Variants in ASXL2 observed in about 807,000 individuals in gnomAD.
ASXL2 encodes putative Polycomb group protein ASXL2.
A neutral mutation model predicts 122.0 loss-of-function variants in ASXL2; 23 were observed. The ratio of observed to expected loss-of-function variants is 0.19; its 90% CI spans 0.14 to 0.27. ASXL2 has a LOEUF of 0.27. Ranked by LOEUF, ASXL2 falls within the 10% of genes least tolerant of loss-of-function variation. ASXL2 has a pLI of 1.00. For synonymous variants in ASXL2, 650 were observed against 637.0 expected (o/e 1.02, Z -0.31); for missense variants, 1,518 against 1,713.8 (o/e 0.89, Z 2.02).
chr2:25,768,958 T>C, intron 6 of ASXL2, 90 bp from the exon 7 acceptor site: 2 of 1,385,940 alleles, frequency 1.4e-6, no homozygotes, highest in Admixed American at 4.9e-5. Flanking sequence ...GCAAGAAGCA[T>C]GCTGATCGTT....
At chr2:25,842,493 G>A (rs1164504442) in intron 2 of ASXL2, among the ~76,000 whole-genome samples, 1 of 151,514 alleles carries the variant, frequency 6.6e-6, no homozygotes, top group Non-Finnish European at 1.5e-5. Context: ...TACTATTCCT[G>A]CTTGCTCCCT....
In ASXL2 at chr2:25,822,449, G is replaced by A. The variant is rs2089323655; in HGVS notation, c.143+13089C>T. The A allele has an allele frequency of 4.8e-5, 17 of 354,904 alleles. 1 individual carries two copies. In the South Asian group the frequency reaches 4.9e-4, roughly 10 times the overall value. The allele number at this position is 354,904 out of a possible 1,614,324, so 22.0% of individuals were successfully genotyped here. A position where few individuals can be genotyped will look rare whatever the true frequency, so the allele number is the denominator to read the frequency against. ...CAGAGGGCCGCCCACCTGTTCGCCC[G>A]TCCCCCTGCCCTGTTCACAATGCAG... On this transcript the variant is annotated intron_variant, in intron 3 of 12. Coordinates refer to ENST00000435504, the MANE Select transcript of ASXL2 (RefSeq NM_018263.6).
chr2:25,776,540 T>C lies in ASXL2; in HGVS notation c.404-5000A>G, dbSNP rs574395653. On this transcript the variant is annotated intron_variant, in intron 5 of 12. Transcript: ENST00000435504. Reference sequence around the variant, plus strand: ...TCCTATGAGTGGAATTGCTGGGTCTTACTGTAACTCTATGTTTAACTTGAG... The same window carrying C: ...TCCTATGAGTGGAATTGCTGGGTCTCACTGTAACTCTATGTTTAACTTGAG... Among the ~76,000 whole-genome samples, 4 of 152,300 alleles carry C rather than the reference T, an allele frequency of 2.6e-5. No individual in the cohort carries two copies. In the South Asian group the frequency reaches 8.3e-4, roughly 32 times the overall value.
intron 1 of ASXL2, among the ~76,000 whole-genome samples, chr2:25,855,245 T>C (rs902073263): frequency 2.6e-5 from 4 of 152,110 alleles, no homozygotes; most frequent in Admixed American, 6.5e-5. Flanking sequence ...CCTTTATAGA[T>C]AGTAACTTGG....
In ASXL2 at chr2:25,741,479, C is replaced by T. The variant is rs1272841515; in HGVS notation, c.*550G>A. 4.3e-6 allele frequency: 1 copy of T among 230,480 alleles called. No homozygotes were observed. Among genetic ancestry groups the T allele is most frequent in the Admixed American group, 5.6e-5 (1 of 17,740 alleles). The allele number at this position is 230,480 out of a possible 1,614,324, so 14.3% of individuals were successfully genotyped here. A position where few individuals can be genotyped will look rare whatever the true frequency, so the allele number is the denominator to read the frequency against. The stretch of plus-strand genomic sequence containing the variant: ...AAATTTCAATTTAAGAAGATTCCAC[C>T]TAAGGTAAAGGGACTGAGTAAAACC... On this transcript the variant is annotated 3_prime_UTR_variant, in exon 13 of 13. Coordinates refer to ENST00000435504, the MANE Select transcript of ASXL2 (RefSeq NM_018263.6).
intron 8 of ASXL2, among the ~76,000 whole-genome samples, chr2:25,762,665 G>GAAAAAAAAAAAAAAAAAAAAAAA (rs60065368): frequency 5.8e-5 from 2 of 34,266 alleles, no homozygotes; most frequent in African/African-American, 1.5e-4. Flanking sequence ...ACTCTTTCTC[G>GAAAAAAAAAAAAAAAAAAAAAAA]AAAAAAAAAA....
chr2:25,779,217 C>T lies in ASXL2; in HGVS notation c.404-7677G>A, dbSNP rs149828707. Among the ~76,000 whole-genome samples, 360 of 151,436 alleles carry T rather than the reference C, an allele frequency of 2.4e-3. 2 individuals are homozygous for T. The highest frequency in any genetic ancestry group is 8.3e-3 in the African/African-American group (343 of 41,276). On this transcript the variant is annotated intron_variant, in intron 5 of 12. Coordinates refer to ENST00000435504, the MANE Select transcript of ASXL2 (RefSeq NM_018263.6). ...GTTCAATCAATTCTCCTGTCTCAGCCTCCCGAGTATCTGGGATTACAGGCG... is the reference window on the plus strand; with the variant it reads ...GTTCAATCAATTCTCCTGTCTCAGCTTCCCGAGTATCTGGGATTACAGGCG...
intron 1 of ASXL2, among the ~76,000 whole-genome samples, chr2:25,871,633 C>A (rs1023835752): frequency 6.6e-6 from 1 of 152,232 alleles, no homozygotes; most frequent in South Asian, 2.1e-4. Context: ...CTCTTGTTGC[C>A]CAGGCTGGAG....
intron 2 of ASXL2, among the ~76,000 whole-genome samples, chr2:25,836,723 A>C (rs2089515988): frequency 6.6e-6 from 1 of 152,204 alleles, no homozygotes; most frequent in African/African-American, 2.4e-5. Flanking sequence ...ACACTCATTC[A>C]TTAGCTATAT....
intron 1 of ASXL2, among the ~76,000 whole-genome samples, chr2:25,869,247 C>CCTGAGCCTG (rs2149203381): frequency 6.6e-6 from 1 of 152,060 alleles, no homozygotes; most frequent in African/African-American, 2.4e-5. Context: ...GGGAGGATCA[C>CCTGAGCCTG]CTGAGCCTGG....
intron 1 of ASXL2, among the ~76,000 whole-genome samples, chr2:25,854,084 G>C (rs1041334998): frequency 1.3e-5 from 2 of 152,160 alleles, no homozygotes; most frequent in East Asian, 1.9e-4. Flanking sequence ...AGCTGACATT[G>C]TAAGCTCATG....
At position 25,755,888 on chromosome 2, in the gene ASXL2, A is replaced by G. The variant is rs2088121623; in HGVS notation, c.1036+130T>C. The G allele has an allele frequency of 6.5e-6, 5 of 774,992 alleles. No individual in the cohort carries two copies. In the East Asian group the frequency reaches 1.3e-4, roughly 21 times the overall value. 48.0% of individuals were successfully genotyped at this position (774,992 alleles called of 1,614,324 possible). ...AAAAGTTTAACAACGTGTTCCACAC[A>G]TGATGGTTAATTCTATCCTATGGAA... On this transcript the variant is annotated intron_variant, in intron 10 of 12. Coordinates refer to ENST00000435504, the MANE Select transcript of ASXL2 (RefSeq NM_018263.6).
At chr2:25,846,688 C>T (rs1388998030) in intron 1 of ASXL2, among the ~76,000 whole-genome samples, 1 of 151,790 alleles carries the variant, frequency 6.6e-6, no homozygotes, top group Non-Finnish European at 1.5e-5. Context: ...TGGTGGTGCT[C>T]GCCTATAATT....
chr2:25,742,812 G>A lies in ASXL2; in HGVS notation c.3525C>T (p.Ser1175=), dbSNP rs1258768747. Residue 1175 remains serine, a synonymous_variant, in exon 13 of 13, where the codon AGC becomes AGT. Transcript: ENST00000435504. The part of the protein sequence containing the change: ...DCKNATGESS[S]SKEDDTDEES... ...CCTCATCAGTGTCATCTTCTTTGCT[G>A]CTGCTACTCTCTCCTGTTGCATTTT... 2 of 1,613,836 alleles carry A rather than the reference G, an allele frequency of 1.2e-6. No individual in the cohort carries two copies. Among genetic ancestry groups the A allele is most frequent in the Non-Finnish European group, 1.7e-6 (2 of 1,179,898 alleles).
At chr2:25,869,430 G>T (rs890782132) in intron 1 of ASXL2, among the ~76,000 whole-genome samples, 5 of 152,036 alleles carry the variant, frequency 3.3e-5, no homozygotes, top group Non-Finnish European at 5.9e-5. Context: ...CTCAGTTAAG[G>T]TCTGCAAGTA....
chr2:25,878,251 C>T lies in ASXL2; in HGVS notation c.-29G>A. On this transcript the variant is annotated 5_prime_UTR_variant, in exon 1 of 13. Coordinates refer to ENST00000435504, the MANE Select transcript of ASXL2 (RefSeq NM_018263.6). Reference sequence around the variant, plus strand: ...GGGTCTTGAACTGACTGGGAGGCTCCCGTGTCCGGGCTCCGGCCGCCCTCC... The same window carrying T: ...GGGTCTTGAACTGACTGGGAGGCTCTCGTGTCCGGGCTCCGGCCGCCCTCC... 1 of 1,612,982 alleles carries T rather than the reference C, an allele frequency of 6.2e-7. No homozygotes were observed. The highest frequency in any genetic ancestry group is 1.3e-5 in the African/African-American group (1 of 75,042).
At chr2:25,828,206 A>C (rs1206760089) in intron 3 of ASXL2, among the ~76,000 whole-genome samples, 1 of 152,190 alleles carries the variant, frequency 6.6e-6, no homozygotes, top group Non-Finnish European at 1.5e-5. Context: ...ACAGCTCATT[A>C]AGATCCTTGT....
chr2:25,753,659 G>A lies in ASXL2; in HGVS notation c.1037-20C>T. The A allele has an allele frequency of 6.4e-7, 1 of 1,559,366 alleles. No individual in the cohort carries two copies. Among genetic ancestry groups the A allele is most frequent in the South Asian group, 1.2e-5 (1 of 86,736 alleles). On this transcript the variant is annotated intron_variant, in intron 10 of 12. Transcript: ENST00000435504. ...ACTCACCTGCAATGTACCCAAAAAA[G>A]GATATTCAATAGAAAAATGCTATTT...
chr2:25,856,646 C>T (rs2149198216), intron 1 of ASXL2: 1 of 1,258,758 alleles, frequency 7.9e-7, no homozygotes, highest in Admixed American at 1.7e-5. Context: ...CCTCAGTCTC[C>T]CCAGAGTGGT....
Sources: gnomAD v4.1 joint callset for allele counts (sites outside exome capture counted in the v4.1 genomes callset) on GRCh38, gnomAD v4.1.1 for gene constraint, MANE v1.5 for transcripts, NCBI Gene and HGNC (gene_info 2026-07-23, HGNC 2026-07-21) for gene names.